PPP2CB: variants seen among roughly 807,000 people sequenced by gnomAD.
PPP2CB encodes serine/threonine-protein phosphatase 2A catalytic subunit beta isoform.
PPP2CB carries 18 observed loss-of-function variants against 39.1 expected under a neutral mutation model. The ratio of observed to expected loss-of-function variants is 0.46; its 90% CI spans 0.32 to 0.68. The LOEUF (loss-of-function observed/expected upper bound fraction) is 0.68. PPP2CB is among the 30% of genes least tolerant of loss of function. PPP2CB has a pLI of 0.04. For synonymous variants in PPP2CB, 129 were observed against 133.8 expected, an observed-to-expected ratio of 0.96 and a Z score of 0.25; for missense variants, 226 against 396.9, an observed-to-expected ratio of 0.57 and a Z score of 3.66.
intron 5 of PPP2CB, chr8:30,793,346 T>C (rs1305955038): frequency 6.6e-6 from 1 of 152,232 alleles, no homozygotes; most frequent in Non-Finnish European, 1.5e-5. Context: ...AATCTTTGGA[T>C]TCGACTATGC....
At chr8:30,791,378 TA>T (rs896314316) in intron 5 of PPP2CB, 63 bp from the exon 6 acceptor site, 16 of 1,209,710 alleles carry the variant, frequency 1.3e-5, no homozygotes, top group Middle Eastern at 2.3e-4. Flanking sequence ...CAGACACATT[TA>T]AAAAAAACTA....
In PPP2CB at chr8:30,800,896, G is replaced by A. The variant is rs146971354; in HGVS notation, c.103-1141C>T. Reference sequence around the variant, plus strand: ...TGCAAACCGAGAGGAAGAAACAACCGGATGGCTAGCATAGCTAAAACACAG... The same window carrying A: ...TGCAAACCGAGAGGAAGAAACAACCAGATGGCTAGCATAGCTAAAACACAG... On this transcript the variant is annotated intron_variant, in intron 1 of 6. Transcript: ENST00000221138. 6.8e-3 allele frequency among the ~76,000 whole-genome samples: 1,029 copies of A among 152,234 alleles called. 9 individuals carry two copies. Among genetic ancestry groups the A allele is most frequent in the African/African-American group, 0.023 (975 of 41,550 alleles).
At chr8:30,801,004 T>A (rs891310478) in intron 1 of PPP2CB, among the ~76,000 whole-genome samples, 1 of 147,078 alleles carries the variant, frequency 6.8e-6, no homozygotes, top group Admixed American at 6.9e-5. Flanking sequence ...TCCAGGAGTT[T>A]GAGACCAGGC....
chr8:30,786,355 G>C, intron 6 of PPP2CB, 48 bp from the exon 7 acceptor site: 1 of 1,408,042 alleles, frequency 7.1e-7, no homozygotes, highest in Non-Finnish European at 9.8e-7. Flanking sequence ...ACTTTGCAAA[G>C]AAAACAAATG....
At chr8:30,801,675 A>T (rs987145767) in intron 1 of PPP2CB, among the ~76,000 whole-genome samples, 1 of 152,190 alleles carries the variant, frequency 6.6e-6, no homozygotes, top group African/African-American at 2.4e-5. Flanking sequence ...AGAGTATTTA[A>T]AACATGGATT....
chr8:30,806,819 A>G (rs902835735), intron 1 of PPP2CB, among the ~76,000 whole-genome samples: 31 of 152,356 alleles, frequency 2.0e-4, no homozygotes, highest in African/African-American at 6.7e-4. Flanking sequence ...CAATGAAAAG[A>G]AATTTTACAT....
intron 6 of PPP2CB, among the ~76,000 whole-genome samples, chr8:30,789,746 A>G (rs1563574796): frequency 6.6e-6 from 1 of 152,204 alleles, no homozygotes; most frequent in Non-Finnish European, 1.5e-5. Context: ...TGATGGTTAC[A>G]CCATTTGTTG....
chr8:30,787,417 G>C (rs370167324), intron 6 of PPP2CB, among the ~76,000 whole-genome samples: 1 of 152,174 alleles, frequency 6.6e-6, no homozygotes, highest in Non-Finnish European at 1.5e-5. Context: ...ATGGCTCACT[G>C]TAGCCTCAAC....
intron 1 of PPP2CB, among the ~76,000 whole-genome samples, chr8:30,800,166 C>T (rs1378788980): frequency 6.6e-6 from 1 of 152,188 alleles, no homozygotes; most frequent in African/African-American, 2.4e-5. Context: ...AGATATTGAT[C>T]AACCGATGAA....
chr8:30,808,243 C>A (rs1186020848), intron 1 of PPP2CB, among the ~76,000 whole-genome samples: 1 of 152,040 alleles, frequency 6.6e-6, no homozygotes. Context: ...GGACTACAGG[C>A]ACACACCGCC....
intron 6 of PPP2CB, among the ~76,000 whole-genome samples, chr8:30,789,049 CT>C (rs5890534): frequency 0.11 from 14,403 of 136,916 alleles, 594 homozygotes; most frequent in South Asian, 0.12. Flanking sequence ...GATGTTTTTA[CT>C]TTTTTTTTTT....
rs1357820299 is a variant in PPP2CB at position 30,812,304 on chromosome 8, C to T, written c.102+16G>A. Reference sequence around the variant, plus strand: ...CCAGCCCCGCGCTCCCGCACTCGCCCCCGCGGCGCCCTCACCTTCTCGCAC... The same window carrying T: ...CCAGCCCCGCGCTCCCGCACTCGCCTCCGCGGCGCCCTCACCTTCTCGCAC... On this transcript the variant is annotated intron_variant, in intron 1 of 6. Transcript: ENST00000221138. 1.3e-6 allele frequency: 2 copies of T among 1,503,276 alleles called. No homozygotes were observed. Among genetic ancestry groups the T allele is most frequent in the Non-Finnish European group, 1.8e-6 (2 of 1,121,664 alleles). The allele number at this position is 1,503,276 out of a possible 1,614,324, so 93.1% of individuals were successfully genotyped here.
Position 30,812,723 on chromosome 8 carries a change from C to T in PPP2CB, c.-302G>A, listed in dbSNP as rs977167150. The T allele has an allele frequency of 4.3e-6, 2 of 461,908 alleles. No homozygotes were observed. Among genetic ancestry groups the T allele is most frequent in the Non-Finnish European group, 8.5e-6 (2 of 236,426 alleles). 28.6% of individuals were successfully genotyped at this position (461,908 alleles called of 1,614,324 possible). On this transcript the variant is annotated 5_prime_UTR_variant, in exon 1 of 7. Transcript: ENST00000221138. ...GGTGCCGGGGAGCGCGGCGCGGGTC[C>T]TCGGCCTAGCTCTCGCCGGACGAAG...
At chr8:30,800,975 G>A (rs974072073) in intron 1 of PPP2CB, among the ~76,000 whole-genome samples, 1 of 152,002 alleles carries the variant, frequency 6.6e-6, no homozygotes, top group Non-Finnish European at 1.5e-5. Context: ...GGGAGGCCGA[G>A]GGGGGAGGAT....
intron 5 of PPP2CB, chr8:30,791,533 T>A: frequency 2.6e-6 from 1 of 377,864 alleles, no homozygotes. Flanking sequence ...GCTCGCTAAT[T>A]GTTGTTTTGC....
intron 1 of PPP2CB, among the ~76,000 whole-genome samples, chr8:30,811,644 C>T (rs1806828826): frequency 6.6e-6 from 1 of 151,192 alleles, no homozygotes; most frequent in African/African-American, 2.4e-5. Flanking sequence ...TACAGGCACC[C>T]GCCGTCACAC....
chr8:30,800,104 T>C (rs1806595093), intron 1 of PPP2CB, among the ~76,000 whole-genome samples: 1 of 152,228 alleles, frequency 6.6e-6, no homozygotes, highest in East Asian at 1.9e-4. Context: ...AAATCCAGTT[T>C]ATACATGTTC....
At chr8:30,800,483 G>C (rs1047831471) in intron 1 of PPP2CB, among the ~76,000 whole-genome samples, 2 of 152,196 alleles carry the variant, frequency 1.3e-5, no homozygotes, top group Non-Finnish European at 2.9e-5. Flanking sequence ...GGCCAACCTT[G>C]AATTTCTTTA....
intron 3 of PPP2CB, among the ~76,000 whole-genome samples, chr8:30,796,547 C>G (rs139099952): frequency 7.1e-4 from 108 of 152,110 alleles, no homozygotes; most frequent in Non-Finnish European, 1.2e-3. Context: ...CAATGCCATC[C>G]CCGGCTAATT....
Sources: gnomAD v4.1 joint callset for allele counts (sites outside exome capture counted in the v4.1 genomes callset) on GRCh38, gnomAD v4.1.1 for gene constraint, MANE v1.5 for transcripts, NCBI Gene and HGNC (gene_info 2026-07-23, HGNC 2026-07-21) for gene names.